LPIN1: variants seen among roughly 807,000 people sequenced by gnomAD.
The protein encoded by LPIN1 is lipin 1, also known as phosphatidate phosphatase LPIN1.
In LPIN1, 71 loss-of-function variants were observed where a neutral mutation model predicts 107.5. That is an observed-to-expected ratio of 0.66 (90% CI 0.55 to 0.80). LPIN1 has a LOEUF of 0.80. Ranked by LOEUF, LPIN1 falls within the 30% of genes least tolerant of loss-of-function variation. The probability of loss-of-function intolerance (pLI) is 0.00; values close to 1 mark genes in which losing one functional copy is unlikely to be tolerated. For synonymous variants in LPIN1, 445 were observed against 452.6 expected (o/e 0.98, Z 0.21); for missense variants, 1,043 against 1,160.6 (o/e 0.90, Z 1.47).
intron 4 of LPIN1, among the ~76,000 whole-genome samples, 177 bp from the exon 5 acceptor site, chr2:11,773,443 C>T (rs893627271): frequency 9.9e-5 from 15 of 152,256 alleles, no homozygotes; most frequent in African/African-American, 3.4e-4. Flanking sequence ...CACATAGACA[C>T]GTTTATGGAT....
chr2:11,691,083 G>GTTTTTTTTTTTTT (rs373579741), intron 1 of LPIN1, among the ~76,000 whole-genome samples: 8 of 120,270 alleles, frequency 6.7e-5, no homozygotes, highest in Non-Finnish European at 8.1e-5. Flanking sequence ...ATCTTGTTGT[G>GTTTTTTTTTTTTT]GTTTTTTTTT....
At chr2:11,819,282 G>A in intron 18 of LPIN1, 1 of 570,472 alleles carries the variant, frequency 1.8e-6, no homozygotes, top group Non-Finnish European at 3.1e-6. Context: ...CATCCTTGGT[G>A]TTTTCTTTTG....
chr2:11,744,185 C>T (rs1400565063), upstream of LPIN1, among the ~76,000 whole-genome samples: 1 of 152,238 alleles, frequency 6.6e-6, no homozygotes, highest in African/African-American at 2.4e-5. Flanking sequence ...ATTACTCATC[C>T]CTGGAGTTCC....
chr2:11,767,953 C>CG, intron 3 of LPIN1, 95 bp downstream of exon 3: 1 of 833,224 alleles, frequency 1.2e-6, no homozygotes, highest in Non-Finnish European at 2.1e-6. Flanking sequence ...AAAGTAATAC[C>CG]GGCCGTGGCT....
chr2:11,760,195 A>G (rs1317006329), intron 1 of LPIN1, among the ~76,000 whole-genome samples: 1 of 147,528 alleles, frequency 6.8e-6, no homozygotes, highest in Non-Finnish European at 1.5e-5. Context: ...CACTTCCCAG[A>G]CTGGGGGCAG....
At chr2:11,796,367 C>T (rs890366707) in intron 14 of LPIN1, among the ~76,000 whole-genome samples, 2 of 152,116 alleles carry the variant, frequency 1.3e-5, no homozygotes, top group East Asian at 3.9e-4. Flanking sequence ...ATTTCCATTC[C>T]TCTGAATCCC....
chr2:11,728,764 A>G (rs1291952192), intron 1 of LPIN1, among the ~76,000 whole-genome samples: 1 of 151,254 alleles, frequency 6.6e-6, no homozygotes, highest in Admixed American at 6.6e-5. Flanking sequence ...TTATAATTCT[A>G]TTTTATCTCC....
chr2:11,792,036 A>G, intron 13 of LPIN1, 30 bp downstream of exon 13: 1 of 1,592,410 alleles, frequency 6.3e-7, no homozygotes, highest in Non-Finnish European at 8.6e-7. Flanking sequence ...CAGTGCTCAC[A>G]CTTAGCAAGT....
exon 1 of LPIN1, chr2:11,724,391 C>T (rs1321010981): frequency 3.0e-6 from 3 of 986,208 alleles, no homozygotes; most frequent in Non-Finnish European, 3.6e-6. Context: ...GGCGAGGAGG[C>T]AGCCTGAGGG....
chr2:11,729,448 C>G (rs565122520), intron 1 of LPIN1, among the ~76,000 whole-genome samples: 1 of 152,166 alleles, frequency 6.6e-6, no homozygotes, highest in African/African-American at 2.4e-5. Context: ...TTCACATATG[C>G]AGTTAACATA....
chr2:11,753,199 A>G (rs1029053336), intron 1 of LPIN1, among the ~76,000 whole-genome samples: 6 of 112,294 alleles, frequency 5.3e-5, no homozygotes, highest in East Asian at 2.2e-4. Flanking sequence ...CCTGCCTAAC[A>G]CAGGCAGGGC....
intron 1 of LPIN1, among the ~76,000 whole-genome samples, chr2:11,761,730 G>A (rs13407101): frequency 0.26 from 40,009 of 151,960 alleles, 6,142 homozygotes; most frequent in Non-Finnish European, 0.34. Flanking sequence ...TTATTTCATA[G>A]GGGTTGAGGT....
rs1205147124 is a variant in LPIN1, at chr2:11,776,865, C to T, written c.830+672C>T. ...TTGTAAGCCTTAGCAAATGAAGCTA[C>T]GATTAATTTGTACGTGGAAAACCTT... On this transcript the variant is annotated intron_variant, in intron 6 of 20. Transcript: ENST00000674199. 5.3e-5 allele frequency among the ~76,000 whole-genome samples: 8 copies of T among 152,148 alleles called. No homozygotes were observed. In the East Asian group the frequency reaches 9.6e-4, roughly 18 times the overall value.
upstream of LPIN1, chr2:11,746,540 C>A: frequency 2.0e-6 from 1 of 504,088 alleles, no homozygotes; most frequent in South Asian, 8.6e-5. Context: ...GAGTCCCCCT[C>A]GCACCGCCCC....
intron 20 of LPIN1, among the ~76,000 whole-genome samples, chr2:11,821,472 G>T (rs1486621222): frequency 6.6e-6 from 1 of 152,114 alleles, no homozygotes; most frequent in South Asian, 2.1e-4. Context: ...AGCCCAGATC[G>T]TGCCATTGCA....
chr2:11,775,586 G>A (rs944234228), intron 5 of LPIN1, among the ~76,000 whole-genome samples: 1 of 152,106 alleles, frequency 6.6e-6, no homozygotes, highest in African/African-American at 2.4e-5. Context: ...CAGCACACAC[G>A]AGCACATTTT....
chr2:11,735,277 G>T (rs888940790), intron 1 of LPIN1, among the ~76,000 whole-genome samples: 44 of 145,576 alleles, frequency 3.0e-4, no homozygotes, highest in African/African-American at 1.1e-3. Context: ...GGCTGACAGA[G>T]TAAGACTCTG....
chr2:11,706,212 G>A (rs1001701823), intron 1 of LPIN1, among the ~76,000 whole-genome samples: 1 of 152,174 alleles, frequency 6.6e-6, no homozygotes, highest in Non-Finnish European at 1.5e-5. Context: ...GGACTAATAT[G>A]GTGACATAAC....
At chr2:11,720,819 G>A (rs186184363), upstream of LPIN1, among the ~76,000 whole-genome samples, 10 of 152,022 alleles carry the variant, frequency 6.6e-5, no homozygotes, top group East Asian at 2.0e-3. Flanking sequence ...TGATCCAGCT[G>A]TCTCCCGAGG....
Sources: allele counts gnomAD v4.1 joint callset (sites outside exome capture counted in the v4.1 genomes callset), GRCh38; gene constraint gnomAD v4.1.1; transcripts MANE v1.5; gene names NCBI Gene and HGNC (gene_info 2026-07-23, HGNC 2026-07-21).